Variants in GNAS observed in about 807,000 individuals in gnomAD.
The protein encoded by GNAS is GNAS complex locus.
In GNAS, 8 loss-of-function variants were observed where a neutral mutation model predicts 54.5. That is an observed-to-expected ratio of 0.15 (90% CI 0.09 to 0.26). The LOEUF (loss-of-function observed/expected upper bound fraction) is 0.26. Among genes scored for constraint, GNAS ranks in the 10% least tolerant of loss-of-function variants. GNAS has a pLI of 1.00. For missense variants in GNAS, 170 were observed against 529.8 expected, an observed-to-expected ratio of 0.32 and a Z score of 6.67; for synonymous variants, 204 against 191.4, an observed-to-expected ratio of 1.07 and a Z score of -0.54.
intron 1 of GNAS, among the ~76,000 whole-genome samples, chr20:58,868,024 T>TC (rs35132236): frequency 0.13 from 19,519 of 145,460 alleles, 1,359 homozygotes; most frequent in African/African-American, 0.17. Context: ...CTTTCTTTCT[T>TC]TTTTTTTTTT....
At chr20:58,890,999 G>T (rs970135670), upstream of GNAS, among the ~76,000 whole-genome samples, 3 of 151,402 alleles carry the variant, frequency 2.0e-5, no homozygotes, top group Admixed American at 1.3e-4. Flanking sequence ...GCGGGAGGGG[G>T]AGGAGGCCTC....
chr20:58,840,694 C>A (rs758925149), upstream of GNAS: 6 of 1,603,988 alleles, frequency 3.7e-6, no homozygotes, highest in South Asian at 6.6e-5. The surrounding 1 kb of genome is among the most constrained non-coding windows in gnomAD (Gnocchi z 6.0). Context: ...AGCTCAAGCC[C>A]GAGGACAAAG....
At chr20:58,862,911 G>A (rs1233799646) in intron 1 of GNAS, among the ~76,000 whole-genome samples, 1 of 149,884 alleles carries the variant, frequency 6.7e-6, no homozygotes, top group Non-Finnish European at 1.5e-5. Context: ...ACTCAATACC[G>A]AGGCTGAGCT....
At chr20:58,898,677 C>T (rs995152686) in intron 2 of GNAS, 1 of 580,698 alleles carries the variant, frequency 1.7e-6, no homozygotes, top group Non-Finnish European at 3.1e-6. Context: ...TCCATCCCTC[C>T]TGTCTCCGAC....
At chr20:58,849,507 C>T (rs531282693) in intron 1 of GNAS, among the ~76,000 whole-genome samples, 5 of 152,230 alleles carry the variant, frequency 3.3e-5, no homozygotes, top group Non-Finnish European at 5.9e-5. Flanking sequence ...TTTTTCTGAA[C>T]TTCAGACCTT....
rs559448095 is a variant in GNAS, at chr20:58,903,683, C to T, written c.324C>T (p.Ala108=). 78 of 1,614,078 alleles carry T rather than the reference C, an allele frequency of 4.8e-5. No individual in the cohort carries two copies. The East Asian group carries it at 1.2e-3, about 26-fold the overall frequency. ...TAAATCATTTTCAGACCATTGTGGC[C>T]GCCATGAGCAACCTGGTGCCCCCCG... ...NLKEAIETIV[A]AMSNLVPPVE... Residue 108 remains alanine, a synonymous_variant, in exon 5 of 13, where the codon GCC becomes GCT. Transcript: ENST00000371085.
chr20:58,840,704 G>C, upstream of GNAS: 1 of 1,603,922 alleles, frequency 6.2e-7, no homozygotes, highest in South Asian at 1.1e-5. This position sits in a 1 kb window ranked among gnomAD's most constrained non-coding sequence, Gnocchi z 6.0. Context: ...CGAGGACAAA[G>C]ATCCAAGGGA....
rs2146304400 is a variant in GNAS at position 58,910,650 on chromosome 20, G to A, written c.1039-33G>A. ...GGATAGGGTGGTTCCTGGCGAGGGTGTCACTGACAAGTCCCCTTGTTTGTG... is the reference window on the plus strand; with the variant it reads ...GGATAGGGTGGTTCCTGGCGAGGGTATCACTGACAAGTCCCCTTGTTTGTG... On this transcript the variant is annotated intron_variant, in intron 12 of 12. Transcript: ENST00000371085. The surrounding 1 kb of genome is among the most constrained non-coding windows in gnomAD (Gnocchi z 5.8). 1 of 1,613,690 alleles carries A rather than the reference G, an allele frequency of 6.2e-7. No homozygotes were observed. The highest frequency in any genetic ancestry group is 8.5e-7 in the Non-Finnish European group (1 of 1,179,622).
At chr20:58,855,118 G>A (rs747451591) in intron 1 of GNAS, 6 of 1,613,708 alleles carry the variant, frequency 3.7e-6, no homozygotes, top group Non-Finnish European at 4.2e-6. Context: ...GCCTTCGGGG[G>A]CTGCTTCGGT....
chr20:58,911,123 C>A lies in GNAS; in HGVS notation c.*294C>A, dbSNP rs1569034554. On this transcript the variant is annotated 3_prime_UTR_variant, in exon 13 of 13. Transcript: ENST00000371085. ...AACAAATAAAATGAAATAAAAGAAA[C>A]AAATGAAATAAATATTGTGTTGTGC... The A allele has an allele frequency of 1.8e-6, 1 of 559,592 alleles. No homozygotes were observed. Among genetic ancestry groups the A allele is most frequent in the East Asian group, 3.5e-5 (1 of 28,278 alleles). The allele number at this position is 559,592 out of a possible 1,614,324, so 34.7% of individuals were successfully genotyped here. A position where few individuals can be genotyped will look rare whatever the true frequency, so the allele number is the denominator to read the frequency against.
chr20:58,888,948 G>C, upstream of GNAS: 2 of 366,948 alleles, frequency 5.5e-6, no homozygotes, highest in African/African-American at 4.4e-5. Context: ...CCTTGGGCGC[G>C]CCCGCGCCCC....
chr20:58,855,993 C>A (rs1176316285), intron 1 of GNAS: 1 of 255,980 alleles, frequency 3.9e-6, no homozygotes, highest in African/African-American at 2.2e-5. Context: ...GGGCGCTCTG[C>A]GGCAAGCGGT....
intron 3 of GNAS, 192 bp from the exon 4 acceptor site, chr20:58,903,339 T>G: frequency 1.5e-6 from 1 of 683,126 alleles, no homozygotes; most frequent in Non-Finnish European, 2.7e-6. Flanking sequence ...GGGCGTGTCC[T>G]CAGGGCACAT....
rs571777423 is a variant in GNAS, at chr20:58,874,463, GA to G, written c.44-21146del. 1.9e-4 allele frequency among the ~76,000 whole-genome samples: 29 copies of G among 152,354 alleles called. 1 individual carries two copies. The South Asian group carries it at 5.8e-3, about 30-fold the overall frequency. The stretch of plus-strand genomic sequence containing the variant: ...GATTAGTGTTTTGAGAGTTAGATGG[GA>G]AAGTGTAGTTTGCAGCCAGATCCTT... On this transcript the variant is annotated intron_variant, in intron 1 of 12. Transcript: ENST00000306090.
At chr20:58,852,472 C>G (rs572570283) in intron 1 of GNAS, among the ~76,000 whole-genome samples, 1 of 152,332 alleles carries the variant, frequency 6.6e-6, no homozygotes, top group South Asian at 2.1e-4. Flanking sequence ...CACCAAAAGC[C>G]TTGCGCTCCG....
At chr20:58,850,573 T>C (rs1000111099) in intron 1 of GNAS, 3 of 398,748 alleles carry the variant, frequency 7.5e-6, no homozygotes, top group African/African-American at 2.1e-5. Context: ...CTCAACTCCT[T>C]ATCCATCCTG....
chr20:58,874,527 C>T (rs1014200217), intron 1 of GNAS, among the ~76,000 whole-genome samples: 8 of 152,264 alleles, frequency 5.3e-5, no homozygotes, highest in African/African-American at 1.9e-4. Context: ...TGCTTTCATC[C>T]TCCATCTTAG....
At chr20:58,854,114 C>T in intron 1 of GNAS, 1 of 1,611,696 alleles carries the variant, frequency 6.2e-7, no homozygotes. Flanking sequence ...CCATCGGCAG[C>T]CCATCCCAAG....
In GNAS at chr20:58,842,943, G is replaced by GT. The variant is rs544784473; in HGVS notation, c.43+2063dup. 2.6e-5 allele frequency among the ~76,000 whole-genome samples: 4 copies of GT among 152,260 alleles called. No individual in the cohort carries two copies. In the South Asian group the frequency reaches 8.3e-4, roughly 32 times the overall value. ...GCCTTGTTGCAGGATGAATAAACAA[G>GT]TTTTTTAAAAGCCCTCCGTGTCGAG... On this transcript the variant is annotated intron_variant, in intron 1 of 12. Transcript: ENST00000306090.
Sources: gnomAD v4.1 joint callset for allele counts (sites outside exome capture counted in the v4.1 genomes callset) on GRCh38, gnomAD v4.1.1 for gene constraint, Gnocchi (gnomAD v3.1) non-coding constraint, MANE v1.5 for transcripts, NCBI Gene and HGNC (gene_info 2026-07-23, HGNC 2026-07-21) for gene names.